PLCB1: variants seen among roughly 807,000 people sequenced by gnomAD.
PLCB1 encodes the protein 1-phosphatidylinositol 4,5-bisphosphate phosphodiesterase beta-1.
Under a neutral mutation model 161.8 loss-of-function variants are expected in PLCB1, and 46 were observed. The observed-to-expected ratio is 0.28, with a 90% CI of 0.22 to 0.36. The LOEUF (loss-of-function observed/expected upper bound fraction) is 0.36, where lower values mean the gene tolerates loss of function less well. PLCB1 is among the 10% of genes least tolerant of loss of function. PLCB1 has a pLI of 1.00. For missense variants in PLCB1, 1,016 were observed against 1,472.5 expected (o/e 0.69, Z 5.07); for synonymous variants, 517 against 503.7 (o/e 1.03, Z -0.35).
chr20:8,552,444 G>A (rs2122996524), intron 3 of PLCB1, among the ~76,000 whole-genome samples: 1 of 152,262 alleles, frequency 6.6e-6, no homozygotes, highest in South Asian at 2.1e-4. Context: ...ACAGGAGAAG[G>A]AAGAGAGGAC....
chr20:8,445,581 A>C (rs533764865), intron 3 of PLCB1, among the ~76,000 whole-genome samples: 1 of 152,126 alleles, frequency 6.6e-6, no homozygotes, highest in African/African-American at 2.4e-5. Context: ...CAATTCTGTG[A>C]AGAAAGTCAT....
chr20:8,527,042 A>G lies in PLCB1; in HGVS notation c.247-101252A>G, dbSNP rs1330250510. ...TAAAGGTCTGGTCTCTAGTGTAGTT[A>G]TGGGCAGTGGTGTCAGACACATCTG... is the stretch of plus-strand genomic sequence containing the variant. On this transcript the variant is annotated intron_variant, in intron 3 of 31. Coordinates refer to ENST00000338037, the MANE Select transcript of PLCB1 (RefSeq NM_015192.4). Among the ~76,000 whole-genome samples the G allele has an allele frequency of 3.3e-5, 5 of 152,192 alleles. No individual in the cohort carries two copies. In the East Asian group the frequency reaches 9.7e-4, roughly 29 times the overall value.
rs1980754950 is a variant in PLCB1 at position 8,739,416 on chromosome 20, G to A, written c.2308+56G>A. 1.6e-5 allele frequency: 16 copies of A among 1,025,792 alleles called. 1 individual carries two copies. The South Asian group carries it at 2.1e-4, about 13-fold the overall frequency. The allele number at this position is 1,025,792 out of a possible 1,614,324, so 63.5% of individuals were successfully genotyped here. On this transcript the variant is annotated intron_variant, in intron 21 of 31. Transcript: ENST00000338037. ...CAAAGTTGCAAAGAAAATCATTACT[G>A]CTTAAAATATTACTAGAAAATGACT...
At chr20:8,141,287 T>C (rs2051400364) in intron 1 of PLCB1, among the ~76,000 whole-genome samples, 1 of 152,204 alleles carries the variant, frequency 6.6e-6, no homozygotes, top group Non-Finnish European at 1.5e-5. Context: ...GTCTACACTG[T>C]GCAAGATGTG....
chr20:8,387,977 TAAAAAA>T (rs1555802977), intron 3 of PLCB1, among the ~76,000 whole-genome samples: 3 of 126,800 alleles, frequency 2.4e-5, no homozygotes, highest in African/African-American at 9.1e-5. Context: ...CCACTTTTTT[TAAAAAA>T]AAAAAAAAAA....
intron 10 of PLCB1, among the ~76,000 whole-genome samples, chr20:8,690,878 G>A (rs1483051744): frequency 1.3e-5 from 2 of 152,164 alleles, no homozygotes; most frequent in East Asian, 1.9e-4. Flanking sequence ...GAGGTTAGAA[G>A]CAAGATGGAG....
intron 30 of PLCB1, 80 bp downstream of exon 30, chr20:8,789,655 A>C (rs1174755892): frequency 9.4e-7 from 1 of 1,066,872 alleles, no homozygotes; most frequent in Admixed American, 1.7e-5. Context: ...TCTGGAAGGA[A>C]ATGTCATGCC....
At chr20:8,857,946 A>G (rs755975410) in intron 31 of PLCB1, among the ~76,000 whole-genome samples, 1 of 152,094 alleles carries the variant, frequency 6.6e-6, no homozygotes, top group Non-Finnish European at 1.5e-5. Flanking sequence ...TCATTACTTC[A>G]TAACAATTCT....
intron 4 of PLCB1, among the ~76,000 whole-genome samples, chr20:8,645,234 A>G (rs2123282837): frequency 6.6e-6 from 1 of 151,150 alleles, no homozygotes; most frequent in South Asian, 2.1e-4. Context: ...TTATCTGCTG[A>G]CCTTCCCTCC....
chr20:8,324,036 CAT>C (rs1019348005), intron 2 of PLCB1, among the ~76,000 whole-genome samples: 12 of 152,042 alleles, frequency 7.9e-5, no homozygotes, highest in Non-Finnish European at 1.3e-4. Context: ...TCAAGAAAAA[CAT>C]ATGTACTATT....
intron 31 of PLCB1, among the ~76,000 whole-genome samples, chr20:8,801,797 T>G (rs1459086259): frequency 6.6e-6 from 1 of 152,142 alleles, no homozygotes; most frequent in Non-Finnish European, 1.5e-5. Flanking sequence ...GTAACAGCTG[T>G]GATCATTTTT....
intron 3 of PLCB1, among the ~76,000 whole-genome samples, chr20:8,567,393 A>G (rs1309074730): frequency 6.6e-6 from 1 of 152,080 alleles, no homozygotes; most frequent in African/African-American, 2.4e-5. Flanking sequence ...AGCCTAAATT[A>G]TCCGGATACC....
chr20:8,684,855 G>GAAAAA, intron 9 of PLCB1, 77 bp from the exon 10 acceptor site: 3 of 977,368 alleles, frequency 3.1e-6, no homozygotes, highest in Non-Finnish European at 4.5e-6. Context: ...GATATTTCTG[G>GAAAAA]AAAAAAAAAA....
chr20:8,675,575 A>T (rs1990054253), intron 9 of PLCB1, among the ~76,000 whole-genome samples: 1 of 152,242 alleles, frequency 6.6e-6, no homozygotes, highest in Admixed American at 6.5e-5. Flanking sequence ...GGAACGTAAG[A>T]TCTGACTTTT....
chr20:8,482,306 G>A (rs930290338), intron 3 of PLCB1, among the ~76,000 whole-genome samples: 1 of 151,884 alleles, frequency 6.6e-6, no homozygotes, highest in African/African-American at 2.4e-5. Flanking sequence ...GTTTCACCAC[G>A]TTGGGCAGGA....
At chr20:8,791,978 C>T (rs984701202) in intron 31 of PLCB1, 2 of 152,140 alleles carry the variant, frequency 1.3e-5, no homozygotes, top group African/African-American at 4.8e-5. Flanking sequence ...TAGTAAGCCA[C>T]GTTACTGGAA....
At chr20:8,295,911 C>T (rs1052696102) in intron 2 of PLCB1, among the ~76,000 whole-genome samples, 4 of 151,912 alleles carry the variant, frequency 2.6e-5, no homozygotes, top group Admixed American at 2.0e-4. Context: ...TGGGGTCTGA[C>T]TTTGTTGCCT....
intron 2 of PLCB1, among the ~76,000 whole-genome samples, chr20:8,310,016 T>C (rs1483946518): frequency 2.0e-5 from 3 of 151,658 alleles, no homozygotes; most frequent in African/African-American, 4.9e-5. Flanking sequence ...TGTGTAATCT[T>C]TAGTGTTTTC....
chr20:8,246,712 A>G (rs758581171), intron 2 of PLCB1, among the ~76,000 whole-genome samples: 1 of 151,874 alleles, frequency 6.6e-6, no homozygotes, highest in Non-Finnish European at 1.5e-5. Flanking sequence ...ATTTTTTATT[A>G]TTACTATGTA....
Sources: allele counts gnomAD v4.1 joint callset (sites outside exome capture counted in the v4.1 genomes callset), GRCh38; gene constraint gnomAD v4.1.1; transcripts MANE v1.5; gene names NCBI Gene and HGNC (gene_info 2026-07-23, HGNC 2026-07-21).